The following SHISA9 variants were observed in gnomAD, a reference collection of about 807,000 sequenced individuals.
The protein encoded by SHISA9 is protein shisa-9.
In SHISA9, 13 loss-of-function variants were observed where a neutral mutation model predicts 38.0. The observed-to-expected ratio is 0.34, with a 90% CI of 0.22 to 0.54. The LOEUF is 0.54. Ranked by LOEUF, SHISA9 falls within the 20% of genes least tolerant of loss-of-function variation. The probability of loss-of-function intolerance (pLI) is 0.91; values close to 1 mark genes in which losing one functional copy is unlikely to be tolerated. For missense variants in SHISA9, 538 were observed against 575.8 expected (o/e 0.93, Z 0.67); for synonymous variants, 275 against 242.0 (o/e 1.14, Z -1.27).
chr16:13,461,200 A>G, the SHISA9 span, among the ~76,000 whole-genome samples: 1 of 152,326 alleles, frequency 6.6e-6, no homozygotes, highest in African/African-American at 2.4e-5. Context: ...GGCAACTCTT[A>G]GTGTCCTCAA....
the SHISA9 span, among the ~76,000 whole-genome samples, chr16:13,424,016 T>C: frequency 6.6e-6 from 1 of 152,202 alleles, no homozygotes; most frequent in Non-Finnish European, 1.5e-5. Flanking sequence ...CCAGGTAATA[T>C]CTCTTTTGAT....
the SHISA9 span, among the ~76,000 whole-genome samples, chr16:13,280,117 C>CTTTT: frequency 1.5e-3 from 150 of 102,798 alleles, no homozygotes; most frequent in African/African-American, 2.1e-3. Flanking sequence ...CTCTCTTTCT[C>CTTTT]TTTTTTTTTT....
chr16:12,970,400 TATACATATATATATATAC>T lies in SHISA9; in HGVS notation c.691+53587_691+53604del, dbSNP rs1413060360. ...ATATATACATATATGTATATATATA[TATACATATATATATATAC>T]ACATATATGTATATATATATACACA... is the stretch of plus-strand genomic sequence containing the variant. On this transcript the variant is annotated intron_variant, in intron 2 of 4. Coordinates refer to ENST00000558583, the MANE Select transcript of SHISA9 (RefSeq NM_001145204.3). Among the ~76,000 whole-genome samples the T allele has an allele frequency of 1.6e-3, 8 of 5,124 alleles. No homozygotes were observed. The East Asian group carries it at 0.028, about 18-fold the overall frequency. 3.4% of individuals were successfully genotyped at this position (5,124 alleles called of 152,430 possible). A position where few individuals can be genotyped will look rare whatever the true frequency, so the allele number is the denominator to read the frequency against.
the SHISA9 span, among the ~76,000 whole-genome samples, chr16:13,334,559 G>A: frequency 6.6e-6 from 1 of 152,070 alleles, no homozygotes; most frequent in Admixed American, 6.5e-5. Flanking sequence ...AGGATCACAA[G>A]GTCAGGAGAT....
the SHISA9 span, among the ~76,000 whole-genome samples, chr16:13,402,674 G>T: frequency 6.6e-6 from 1 of 152,084 alleles, no homozygotes; most frequent in African/African-American, 2.4e-5. Context: ...GCCACGCCCG[G>T]CTATTTTTTG....
chr16:13,357,588 G>C, the SHISA9 span, among the ~76,000 whole-genome samples: 1 of 152,200 alleles, frequency 6.6e-6, no homozygotes, highest in Non-Finnish European at 1.5e-5. Context: ...ATGCGCGTCC[G>C]TGTGAAGAGA....
intron 2 of SHISA9, among the ~76,000 whole-genome samples, chr16:13,092,443 G>A (rs913822728): frequency 6.6e-6 from 1 of 152,206 alleles, no homozygotes; most frequent in African/African-American, 2.4e-5. Flanking sequence ...GAATCTAGAG[G>A]CAGTAGGCCT....
chr16:13,012,157 A>G (rs556055808), intron 2 of SHISA9, among the ~76,000 whole-genome samples: 20 of 152,228 alleles, frequency 1.3e-4, no homozygotes, highest in African/African-American at 4.8e-4. Context: ...AAGGTTCCAC[A>G]TATAAGTGAG....
At chr16:13,286,287 A>T in the SHISA9 span, among the ~76,000 whole-genome samples, 1 of 152,190 alleles carries the variant, frequency 6.6e-6, no homozygotes, top group East Asian at 1.9e-4. Context: ...GCTGTGTCAC[A>T]GGCATGCATC....
intron 2 of SHISA9, among the ~76,000 whole-genome samples, chr16:13,117,573 C>T (rs79003182): frequency 0.033 from 4,978 of 152,152 alleles, 130 homozygotes; most frequent in African/African-American, 0.065. Context: ...AGAACAGACA[C>T]GCAGAAGAGA....
chr16:13,456,867 C>T, the SHISA9 span, among the ~76,000 whole-genome samples: 2 of 152,188 alleles, frequency 1.3e-5, no homozygotes, highest in Admixed American at 1.3e-4. Context: ...CATGTTGATG[C>T]CAGGAAAGTA....
the SHISA9 span, among the ~76,000 whole-genome samples, chr16:13,433,580 A>G: frequency 1.3e-5 from 2 of 152,234 alleles, no homozygotes; most frequent in African/African-American, 2.4e-5. Context: ...TAAAGCAAGG[A>G]TGCAAATCTC....
chr16:13,529,658 A>G, the SHISA9 span, among the ~76,000 whole-genome samples: 4 of 152,274 alleles, frequency 2.6e-5, no homozygotes, highest in Non-Finnish European at 4.4e-5. Context: ...CCTCCTTGCA[A>G]TATGTGACAG....
At chr16:13,183,554 A>T (rs1304963415) in intron 2 of SHISA9, among the ~76,000 whole-genome samples, 1 of 152,262 alleles carries the variant, frequency 6.6e-6, no homozygotes, top group Non-Finnish European at 1.5e-5. Context: ...ATGATCTCCC[A>T]ACTGAGAGCT....
intron 2 of SHISA9, among the ~76,000 whole-genome samples, chr16:12,982,918 G>T (rs2072259685): frequency 6.6e-6 from 1 of 152,182 alleles, no homozygotes; most frequent in Non-Finnish European, 1.5e-5. Context: ...GATTCTGTAA[G>T]GTGAAATCTT....
chr16:13,469,851 G>A, the SHISA9 span, among the ~76,000 whole-genome samples: 4 of 150,986 alleles, frequency 2.6e-5, no homozygotes, highest in East Asian at 7.8e-4. Flanking sequence ...AAGGGGAGGG[G>A]TGGGTGGGAA....
the SHISA9 span, among the ~76,000 whole-genome samples, chr16:13,271,177 A>G: frequency 6.6e-6 from 1 of 152,234 alleles, no homozygotes; most frequent in Non-Finnish European, 1.5e-5. Context: ...GACCAAGCTC[A>G]ATGCAGAAGC....
At chr16:12,934,542 A>G (rs2071504073) in intron 2 of SHISA9, among the ~76,000 whole-genome samples, 1 of 152,216 alleles carries the variant, frequency 6.6e-6, no homozygotes, top group Admixed American at 6.5e-5. Flanking sequence ...TGGAGAGAAG[A>G]CTTTGAAGAA....
At position 13,237,443 on chromosome 16, in the gene SHISA9, A is replaced by G. The variant is rs1341930410; in HGVS notation, c.*2034A>G. The G allele has an allele frequency of 2.0e-5, 3 of 152,146 alleles. No homozygotes were observed. The highest frequency in any genetic ancestry group is 7.2e-5 in the African/African-American group (3 of 41,440). 9.4% of individuals were successfully genotyped at this position (152,146 alleles called of 1,614,324 possible). A position where few individuals can be genotyped will look rare whatever the true frequency, so the allele number is the denominator to read the frequency against. ...TTTGGGAGGCTGAAGCAGGTGGATC[A>G]TCTGAGGTCAGGAGTTTGAGATCAG... On this transcript the variant is annotated 3_prime_UTR_variant, in exon 5 of 5. Coordinates refer to ENST00000558583, the MANE Select transcript of SHISA9 (RefSeq NM_001145204.3).
Sources: allele counts gnomAD v4.1 joint callset (sites outside exome capture counted in the v4.1 genomes callset), GRCh38; gene constraint gnomAD v4.1.1; transcripts MANE v1.5; gene names NCBI Gene and HGNC (gene_info 2026-07-23, HGNC 2026-07-21).